TBC1D30: variants seen among roughly 807,000 people sequenced by gnomAD.
The protein encoded by TBC1D30 is TBC1 domain family member 30, also known as TBC1 domain family, member 30.
TBC1D30 carries 31 observed loss-of-function variants against 63.2 expected under a neutral mutation model. That is an observed-to-expected ratio of 0.49 (90% CI 0.37 to 0.66). TBC1D30 has a LOEUF of 0.66. Among genes scored for constraint, TBC1D30 ranks in the 30% least tolerant of loss-of-function variants. TBC1D30 has a pLI of 0.00. For synonymous variants in TBC1D30, 307 were observed against 361.5 expected (o/e 0.85, Z 1.71); for missense variants, 810 against 953.6 (o/e 0.85, Z 1.98).
At chr12:64,818,331 T>C (rs1158335428) in intron 2 of TBC1D30, 7 of 886,402 alleles carry the variant, frequency 7.9e-6, no homozygotes, top group East Asian at 1.2e-4. Flanking sequence ...TATATAATAC[T>C]TAAGATGTAG....
At chr12:64,785,403 C>T (rs1321344133) in intron 1 of TBC1D30, among the ~76,000 whole-genome samples, 1 of 151,730 alleles carries the variant, frequency 6.6e-6, no homozygotes, top group African/African-American at 2.4e-5. Flanking sequence ...CCTCCTTGGC[C>T]TCCCAAAGTG....
chr12:64,780,857 C>T, exon 1 of TBC1D30: 2 of 1,011,588 alleles, frequency 2.0e-6, no homozygotes, highest in Non-Finnish European at 1.2e-6. Flanking sequence ...CCGGACGGAG[C>T]TGGAATTCCG....
rs147451235 is a variant in TBC1D30 at position 64,859,083 on chromosome 12, T to TTG, written c.1039-5568_1039-5567dup. On this transcript the variant is annotated intron_variant, in intron 8 of 11. Coordinates refer to ENST00000539867, the MANE Select transcript of TBC1D30 (RefSeq NM_015279.2). ...AGGGGTGCATATATATGCGAGGGTGTTGTGTGTGTGTGTGTGTGGAGGGGT... is the reference window on the plus strand; with the variant it reads ...AGGGGTGCATATATATGCGAGGGTGTTGTGTGTGTGTGTGTGTGTGGAGGGGT... 1.5e-3 allele frequency among the ~76,000 whole-genome samples: 219 copies of TTG among 148,576 alleles called. 1 individual carries two copies. Among genetic ancestry groups the TTG allele is most frequent in the African/African-American group, 4.0e-3 (163 of 40,558 alleles).
chr12:64,807,276 C>G (rs556183848), intron 2 of TBC1D30, among the ~76,000 whole-genome samples: 1 of 152,352 alleles, frequency 6.6e-6, no homozygotes, highest in East Asian at 1.9e-4. Context: ...GCTTCCCCTT[C>G]CACCATGATT....
At chr12:64,850,830 A>C (rs1479948516) in intron 8 of TBC1D30, among the ~76,000 whole-genome samples, 2 of 152,086 alleles carry the variant, frequency 1.3e-5, no homozygotes, top group Non-Finnish European at 2.9e-5. Flanking sequence ...TATTGATTGG[A>C]ATAGTTTCAG....
At chr12:64,847,452 CT>C (rs1331176403) in intron 8 of TBC1D30, among the ~76,000 whole-genome samples, 10 of 151,852 alleles carry the variant, frequency 6.6e-5, no homozygotes, top group Non-Finnish European at 1.2e-4. Flanking sequence ...TTTTCTAGTG[CT>C]TTAATATATG....
Position 64,832,216 on chromosome 12 carries a change from A to G in TBC1D30, c.506A>G (p.Asn169Ser), listed in dbSNP as rs1289468418. The G allele has an allele frequency of 3.3e-6, 5 of 1,536,054 alleles. No individual in the cohort carries two copies. Among genetic ancestry groups the G allele is most frequent in the African/African-American group, 1.4e-5 (1 of 73,058 alleles). ...KRVLLAYARW[N>S]KTVGYCQGFN... ...GTGCTGCTGGCCTATGCCCGATGGA[A>G]CAAAACTGTTGGGTACTGCCAAGGC... The change falls in exon 5 of 12, where the codon AAC (asparagine) becomes AGC (serine). Residue 169 changes from asparagine to serine, a missense_variant. Asn to Ser is a conservative substitution (Grantham distance 46). Around this residue, in one of 4 missense-constraint regions of TBC1D30, gnomAD observed 272 missense variants for 335.9 expected, o/e 0.81. Coordinates refer to ENST00000539867, the MANE Select transcript of TBC1D30 (RefSeq NM_015279.2).
chr12:64,824,854 C>T lies in TBC1D30; in HGVS notation c.-26C>T, dbSNP rs1226825738. ...AGCGGGGACCGAGACGGACGGTAGC[C>T]GTGCCAGAGCCCGGGGCGCTCTCGG... On this transcript the variant is annotated 5_prime_UTR_variant, in exon 1 of 12. Coordinates refer to ENST00000539867, the MANE Select transcript of TBC1D30 (RefSeq NM_015279.2). The T allele has an allele frequency of 1.3e-6, 2 of 1,530,030 alleles. No homozygotes were observed. The highest frequency in any genetic ancestry group is 1.7e-6 in the Non-Finnish European group (2 of 1,144,388). 94.8% of individuals were successfully genotyped at this position (1,530,030 alleles called of 1,614,324 possible).
intron 11 of TBC1D30, among the ~76,000 whole-genome samples, chr12:64,873,614 A>G (rs143037094): frequency 4.1e-4 from 62 of 152,314 alleles, no homozygotes; most frequent in Admixed American, 4.6e-4. Flanking sequence ...TCATTACCAC[A>G]TATAGTTAGA....
chr12:64,837,313 C>T (rs1292538486), intron 6 of TBC1D30, among the ~76,000 whole-genome samples: 2 of 152,004 alleles, frequency 1.3e-5, no homozygotes, highest in African/African-American at 2.4e-5. Flanking sequence ...TTATTGTGTA[C>T]TTTATTTCTA....
At chr12:64,760,539 G>GA (rs1382404153) in intron 1 of TBC1D30, among the ~76,000 whole-genome samples, 18 of 152,210 alleles carry the variant, frequency 1.2e-4, no homozygotes, top group East Asian at 9.7e-4. Flanking sequence ...GGGACAGAGC[G>GA]AGACTCTTGT....
At chr12:64,810,498 G>A (rs999725822) in intron 2 of TBC1D30, among the ~76,000 whole-genome samples, 1 of 152,168 alleles carries the variant, frequency 6.6e-6, no homozygotes, top group Non-Finnish European at 1.5e-5. Flanking sequence ...AGCTACTCAG[G>A]AGGTTGGGGT....
At chr12:64,760,244 C>T (rs1226668517) in intron 1 of TBC1D30, among the ~76,000 whole-genome samples, 1 of 152,062 alleles carries the variant, frequency 6.6e-6, no homozygotes, top group South Asian at 2.1e-4. Flanking sequence ...TTTCTGTGGT[C>T]GCTCTGGAAT....
chr12:64,854,978 G>A (rs1877178839), intron 8 of TBC1D30, among the ~76,000 whole-genome samples: 1 of 152,138 alleles, frequency 6.6e-6, no homozygotes. Context: ...ATTTCTTATA[G>A]GACAGGTCTA....
chr12:64,781,180 C>G (rs953325044), exon 1 of TBC1D30: 2 of 1,050,448 alleles, frequency 1.9e-6, no homozygotes, highest in South Asian at 2.6e-5. Flanking sequence ...CCTCGGGCTC[C>G]GACGTGGTCC....
upstream of TBC1D30, among the ~76,000 whole-genome samples, chr12:64,819,986 C>T (rs1873791823): frequency 6.6e-6 from 1 of 152,138 alleles, no homozygotes; most frequent in Non-Finnish European, 1.5e-5. Context: ...CATATCAGCA[C>T]CTGCCAGGGA....
chr12:64,805,195 C>A (rs1872792782), intron 2 of TBC1D30, among the ~76,000 whole-genome samples: 1 of 151,990 alleles, frequency 6.6e-6, no homozygotes, highest in South Asian at 2.1e-4. Flanking sequence ...AGAAATTGGG[C>A]CTTCATTCAG....
intron 2 of TBC1D30, among the ~76,000 whole-genome samples, chr12:64,789,236 GTGCAGTGC>G (rs1437088851): frequency 2.0e-5 from 3 of 147,074 alleles, no homozygotes; most frequent in Non-Finnish European, 4.5e-5. Context: ...AGGCCCAGGA[GTGCAGTGC>G]TGCAGTCTTG....
At chr12:64,786,958 T>TAAATAA (rs746535663) in intron 2 of TBC1D30, among the ~76,000 whole-genome samples, 141 of 151,384 alleles carry the variant, frequency 9.3e-4, no homozygotes, top group Non-Finnish European at 1.7e-3. Flanking sequence ...AAAAAATAAA[T>TAAATAA]AAATAAAAAT....
Sources: gnomAD v4.1 joint callset for allele counts (sites outside exome capture counted in the v4.1 genomes callset) on GRCh38, gnomAD v4.1.1 for gene constraint, gnomAD v4.1.1 regional missense constraint, MANE v1.5 for transcripts, NCBI Gene and HGNC (gene_info 2026-07-23, HGNC 2026-07-21) for gene names.